Variants in CCDC141 observed in about 807,000 individuals in gnomAD.
CCDC141 encodes coiled-coil domain containing 141.
Under a neutral mutation model 181.0 loss-of-function variants are expected in CCDC141, and 168 were observed. That is an observed-to-expected ratio of 0.93 (90% CI 0.82 to 1.05). The LOEUF (loss-of-function observed/expected upper bound fraction) is 1.05, where lower values mean the gene tolerates loss of function less well. CCDC141 is among the 50% of genes least tolerant of loss of function. The pLI is 0.00. For missense variants in CCDC141, 1,902 were observed against 1,788.5 expected, an observed-to-expected ratio of 1.06 and a Z score of -1.14; for synonymous variants, 666 against 642.3, an observed-to-expected ratio of 1.04 and a Z score of -0.56.
At chr2:178,860,534 A>G (rs1234709936) in intron 17 of CCDC141, among the ~76,000 whole-genome samples, 5 of 147,760 alleles carry the variant, frequency 3.4e-5, no homozygotes, top group African/African-American at 1.2e-4. Flanking sequence ...CTCAAAAAAA[A>G]AAACAACACT....
intron 11 of CCDC141, among the ~76,000 whole-genome samples, chr2:178,879,075 A>AT (rs1367555779): frequency 3.3e-5 from 5 of 152,224 alleles, no homozygotes; most frequent in Non-Finnish European, 7.3e-5. Flanking sequence ...CTGGAATTAT[A>AT]TTTTCTCATT....
At chr2:178,975,669 C>T (rs1691087309) in intron 3 of CCDC141, among the ~76,000 whole-genome samples, 1 of 151,990 alleles carries the variant, frequency 6.6e-6, no homozygotes, top group Admixed American at 6.6e-5. Flanking sequence ...TAAAATTGAA[C>T]TTAGCAGTGA....
intron 5 of CCDC141, among the ~76,000 whole-genome samples, chr2:178,959,747 T>C (rs1274316638): frequency 6.6e-6 from 1 of 152,100 alleles, no homozygotes; most frequent in East Asian, 1.9e-4. Context: ...TATGGTGACT[T>C]AGAAGGGAAT....
At chr2:178,884,409 GTTTAC>G (rs1056126786) in intron 11 of CCDC141, among the ~76,000 whole-genome samples, 1 of 152,026 alleles carries the variant, frequency 6.6e-6, no homozygotes, top group African/African-American at 2.4e-5. Context: ...ATTTTCACAT[GTTTAC>G]TTTATCTTAT....
chr2:178,973,251 G>A (rs1690979061), intron 4 of CCDC141, among the ~76,000 whole-genome samples: 1 of 151,890 alleles, frequency 6.6e-6, no homozygotes, highest in African/African-American at 2.4e-5. Flanking sequence ...GCCACCACTG[G>A]GCATATGAAC....
chr2:178,852,041 A>C (rs1685186312), intron 20 of CCDC141, among the ~76,000 whole-genome samples: 1 of 152,222 alleles, frequency 6.6e-6, no homozygotes. Flanking sequence ...TTTATTTATC[A>C]AATATTTGTT....
chr2:178,828,913 A>T (rs182117400), downstream of CCDC141, among the ~76,000 whole-genome samples: 303 of 152,342 alleles, frequency 2.0e-3, 8 homozygotes, highest in South Asian at 0.024. Context: ...TAGATGCTTG[A>T]ATCAATAAAG....
rs1054156870 is a variant in CCDC141 at position 178,918,901 on chromosome 2, T to C, written c.904A>G (p.Asn302Asp). The C allele has an allele frequency of 5.2e-6, 8 of 1,550,032 alleles. No homozygotes were observed. The highest frequency in any genetic ancestry group is 7.0e-6 in the Non-Finnish European group (8 of 1,146,716). Residue 302 changes from asparagine (N) to aspartate (D), a missense_variant, in exon 7 of 24, where the codon AAT becomes GAT. Coordinates refer to ENST00000443758, the MANE Select transcript of CCDC141 (RefSeq NM_173648.4). ...CTCTTCAGCTTCTCAACAGCAGAAT[T>C]CCATTCCTGCAAGAGATTATTCTTA... ...EELIIKAKEW[N>D]SAVEKLKSEA...
intron 2 of CCDC141, among the ~76,000 whole-genome samples, chr2:178,980,708 G>A (rs1421489410): frequency 9.2e-5 from 14 of 152,146 alleles, no homozygotes. Context: ...TAAAGGCAGA[G>A]GTGCATTAAA....
At chr2:178,990,510 GAGAGAGAGAGAAAGAA>G (rs1445322275) in intron 2 of CCDC141, among the ~76,000 whole-genome samples, 1 of 142,350 alleles carries the variant, frequency 7.0e-6, no homozygotes, top group Non-Finnish European at 1.5e-5. Flanking sequence ...TAGTACAAAA[GAGAGAGAGAGAAAGAA>G]AGAGAGAGAG....
downstream of CCDC141, chr2:178,825,433 T>C (rs1472988257): frequency 2.0e-5 from 3 of 152,202 alleles, no homozygotes; most frequent in Non-Finnish European, 4.4e-5. Context: ...CATGTTATTA[T>C]TGGAGAAAGC....
At chr2:178,920,328 T>G (rs770539657) in intron 6 of CCDC141, among the ~76,000 whole-genome samples, 1 of 152,236 alleles carries the variant, frequency 6.6e-6, no homozygotes. Flanking sequence ...TTAGTGCAAT[T>G]TGCCATTATT....
chr2:178,992,637 G>C (rs983176688), intron 2 of CCDC141, among the ~76,000 whole-genome samples: 2 of 152,134 alleles, frequency 1.3e-5, no homozygotes, highest in Non-Finnish European at 2.9e-5. Flanking sequence ...TGCCATTTCT[G>C]AGTAGAAGTA....
chr2:179,034,123 G>A (rs1252584910), intron 2 of CCDC141, among the ~76,000 whole-genome samples: 1 of 152,090 alleles, frequency 6.6e-6, no homozygotes, highest in Non-Finnish European at 1.5e-5. Flanking sequence ...ACTGAATAAA[G>A]AAAATGTGGT....
At chr2:178,976,935 A>AC (rs1304434128) in intron 3 of CCDC141, among the ~76,000 whole-genome samples, 1 of 152,154 alleles carries the variant, frequency 6.6e-6, no homozygotes, top group African/African-American at 2.4e-5. Context: ...CAATAAGCAA[A>AC]CAATGCTTTA....
chr2:178,985,115 T>C (rs1336549076), intron 2 of CCDC141, among the ~76,000 whole-genome samples: 5 of 150,880 alleles, frequency 3.3e-5, no homozygotes, highest in Non-Finnish European at 7.4e-5. Context: ...TAACAAACTA[T>C]CTCTCAGACC....
chr2:178,926,131 T>C (rs1301755002), intron 6 of CCDC141, among the ~76,000 whole-genome samples: 1 of 152,052 alleles, frequency 6.6e-6, no homozygotes, highest in Non-Finnish European at 1.5e-5. Flanking sequence ...AATCATAATT[T>C]ATATTGGTAG....
chr2:179,047,307 C>T lies in CCDC141; in HGVS notation c.202G>A (p.Glu68Lys), dbSNP rs540836199. 2.1e-4 allele frequency: 327 copies of T among 1,541,122 alleles called. No homozygotes were observed. The African/African-American group carries it at 4.1e-3, about 19-fold the overall frequency. Residue 68 changes from glutamate to lysine, a missense_variant, in exon 2 of 24, where the codon GAA (glutamate) becomes AAA (lysine). Physicochemically the swap from Glu to Lys is moderately conservative, Grantham distance 56 (BLOSUM62 1). Transcript: ENST00000443758. ...DETKKLLHDH[E>K]LLLAKLKALE... is the part of the protein sequence containing the mutation. ...ACCTTGAGCTTGGCCAAAAGAAGTT[C>T]ATGATCATGAAGAAGTTTTTTGGTT...
chr2:178,935,771 T>C (rs1558991813), intron 6 of CCDC141, among the ~76,000 whole-genome samples: 1 of 152,178 alleles, frequency 6.6e-6, no homozygotes, highest in Non-Finnish European at 1.5e-5. Context: ...ACATCTGTTA[T>C]TTTTTGACTT....
Sources: allele counts gnomAD v4.1 joint callset (sites outside exome capture counted in the v4.1 genomes callset), GRCh38; gene constraint gnomAD v4.1.1; transcripts MANE v1.5; gene names NCBI Gene and HGNC (gene_info 2026-07-23, HGNC 2026-07-21).